IPO9: variants seen among roughly 807,000 people sequenced by gnomAD.
The protein encoded by IPO9 is importin-9.
Under a neutral mutation model 128.6 loss-of-function variants are expected in IPO9, and 28 were observed. The ratio of observed to expected loss-of-function variants is 0.22; its 90% confidence interval spans 0.16 to 0.30. IPO9 has a LOEUF of 0.30. IPO9 is among the 10% of genes least tolerant of loss of function. The pLI, the probability that IPO9 is intolerant of heterozygous loss-of-function variation, is 1.00. For missense variants in IPO9, 935 were observed against 1,293.9 expected, an observed-to-expected ratio of 0.72 and a Z score of 4.26; for synonymous variants, 455 against 475.8, an observed-to-expected ratio of 0.96 and a Z score of 0.57.
At chr1:201,839,343 A>G (rs373223174) in intron 1 of IPO9, among the ~76,000 whole-genome samples, 21 of 151,922 alleles carry the variant, frequency 1.4e-4, no homozygotes, top group African/African-American at 4.8e-4. Context: ...CAGCCTCCCA[A>G]GTAGCTGGGA....
At position 201,878,598 on chromosome 1, in the gene IPO9, C is replaced by T. The variant is rs1317793817; in HGVS notation, c.*2544C>T. 2 of 152,720 alleles carry T rather than the reference C, an allele frequency of 1.3e-5. No individual in the cohort carries two copies. Among genetic ancestry groups the T allele is most frequent in the East Asian group, 3.9e-4 (2 of 5,186 alleles). 9.5% of individuals were successfully genotyped at this position (152,720 alleles called of 1,614,324 possible). On this transcript the variant is annotated 3_prime_UTR_variant, in exon 24 of 24. Coordinates refer to ENST00000361565, the MANE Select transcript of IPO9 (RefSeq NM_018085.5). ...GGGCCCTAGTAACACTTAAGGGCTA[C>T]CCCTGGCTAACAGATACTCGGCTGT... is the stretch of plus-strand genomic sequence containing the variant.
chr1:201,849,374 C>A (rs1275201466), intron 4 of IPO9, among the ~76,000 whole-genome samples: 3 of 152,230 alleles, frequency 2.0e-5, no homozygotes, highest in African/African-American at 4.8e-5. Flanking sequence ...GCTTCTTATT[C>A]CCTAAATGAA....
rs575871544 is a variant in IPO9, at chr1:201,833,925, T to C, written c.163+4553T>C. 2.6e-5 allele frequency among the ~76,000 whole-genome samples: 4 copies of C among 152,282 alleles called. No homozygotes were observed. The East Asian group carries it at 7.7e-4, about 29-fold the overall frequency. On this transcript the variant is annotated intron_variant, in intron 1 of 23. Coordinates refer to ENST00000361565, the MANE Select transcript of IPO9 (RefSeq NM_018085.5). The stretch of plus-strand genomic sequence containing the variant: ...CCTCAGCCTCCCAAGTGGCTGTGAC[T>C]ACAAGCACATGCCCATACTTGGCTG...
At chr1:201,849,477 A>G (rs771820077) in intron 4 of IPO9, among the ~76,000 whole-genome samples, 3 of 152,150 alleles carry the variant, frequency 2.0e-5, no homozygotes, top group African/African-American at 4.8e-5. Flanking sequence ...CTTTGTTCAT[A>G]TAGGTTTGTA....
At position 201,829,294 on chromosome 1, in the gene IPO9, C is replaced by G; in HGVS notation, c.85C>G (p.Leu29Val). The G allele has an allele frequency of 6.3e-7, 1 of 1,599,560 alleles. No homozygotes were observed. Among genetic ancestry groups the G allele is most frequent in the Non-Finnish European group, 8.5e-7 (1 of 1,174,112 alleles). The change falls in exon 1 of 24, where the codon CTC becomes GTC. Residue 29 changes from leucine (L) to valine (V), a missense_variant. By Grantham distance (32) the Leu-to-Val change is conservative. Around this residue, in one of 3 missense-constraint regions of IPO9, gnomAD observed 741 missense variants for 1,019.1 expected, o/e 0.73. Coordinates refer to ENST00000361565, the MANE Select transcript of IPO9 (RefSeq NM_018085.5). ...QGLKEALVDT[L>V]TGILSPVQEV... ...ATTAAAGGAAGCGTTAGTGGATACG[C>G]TCACCGGGATCCTATCCCCAGTACA... is the stretch of plus-strand genomic sequence containing the variant.
chr1:201,856,898 G>A (rs1466548889), intron 10 of IPO9, among the ~76,000 whole-genome samples, 198 bp from the exon 11 acceptor site: 1 of 152,066 alleles, frequency 6.6e-6, no homozygotes. Context: ...TGTTGCCCAG[G>A]CTGGTCTCAA....
chr1:201,874,961 C>A, intron 22 of IPO9, 25 bp downstream of exon 22: 1 of 1,531,938 alleles, frequency 6.5e-7, no homozygotes, highest in Non-Finnish European at 9.1e-7. Context: ...AAGAGGACAG[C>A]CATGGTAAAT....
intron 4 of IPO9, among the ~76,000 whole-genome samples, chr1:201,848,905 G>T (rs1339855026): frequency 2.0e-5 from 3 of 152,140 alleles, no homozygotes; most frequent in African/African-American, 7.2e-5. Context: ...CTTTGAGCCT[G>T]AGTTTCCTTT....
chr1:201,866,112 A>G (rs1001984357), intron 14 of IPO9, among the ~76,000 whole-genome samples: 2 of 152,298 alleles, frequency 1.3e-5, no homozygotes, highest in East Asian at 3.9e-4. Flanking sequence ...TGAAGTCTCC[A>G]GGGGAAACTG....
At chr1:201,858,410 G>A in intron 11 of IPO9, 37 bp from the exon 12 acceptor site, 1 of 1,217,080 alleles carries the variant, frequency 8.2e-7, no homozygotes, top group African/African-American at 1.5e-5. Flanking sequence ...GCATTTAATG[G>A]GCACAAACAG....
chr1:201,883,406 C>G lies in IPO9; in HGVS notation c.*7352C>G, dbSNP rs1395530806. On this transcript the variant is annotated 3_prime_UTR_variant, in exon 24 of 24. Transcript: ENST00000361565. The stretch of plus-strand genomic sequence containing the variant: ...TAGGGGACAAAAAAGTCCACGGGGC[C>G]TATGAGCGGTGAGACTCCTGCCCTG... The G allele has an allele frequency of 6.6e-6, 1 of 152,202 alleles. No individual in the cohort carries two copies. Among genetic ancestry groups the G allele is most frequent in the African/African-American group, 2.4e-5 (1 of 41,420 alleles). The allele number at this position is 152,202 out of a possible 1,614,324, so 9.4% of individuals were successfully genotyped here. A position where few individuals can be genotyped will look rare whatever the true frequency, so the allele number is the denominator to read the frequency against.
chr1:201,867,877 G>A (rs1680584050), intron 15 of IPO9, among the ~76,000 whole-genome samples: 1 of 152,054 alleles, frequency 6.6e-6, no homozygotes. Context: ...TGTGTACTGA[G>A]GAGCTTTCCA....
In IPO9 at chr1:201,829,172, G is replaced by A. The variant is rs527972866; in HGVS notation, c.-38G>A. 2.1e-6 allele frequency: 3 copies of A among 1,450,998 alleles called. No individual in the cohort carries two copies. Among genetic ancestry groups the A allele is most frequent in the Non-Finnish European group, 2.7e-6 (3 of 1,102,260 alleles). The allele number at this position is 1,450,998 out of a possible 1,614,324, so 89.9% of individuals were successfully genotyped here. ...CGCGGGGGCCGTCATTCGGTGGCGGGTCCCGGCCGCGGGGCTGGCGGGCTG... is the reference window on the plus strand; with the variant it reads ...CGCGGGGGCCGTCATTCGGTGGCGGATCCCGGCCGCGGGGCTGGCGGGCTG... On this transcript the variant is annotated 5_prime_UTR_variant, in exon 1 of 24. Transcript: ENST00000361565.
chr1:201,854,984 G>A, intron 8 of IPO9, 61 bp downstream of exon 8: 1 of 1,426,474 alleles, frequency 7.0e-7, no homozygotes, highest in Admixed American at 2.1e-5. Flanking sequence ...TCTCGCACTG[G>A]GTTTCACATT....
intron 1 of IPO9, among the ~76,000 whole-genome samples, chr1:201,838,816 A>G (rs1469379326): frequency 6.6e-6 from 1 of 152,240 alleles, no homozygotes; most frequent in African/African-American, 2.4e-5. Context: ...TACACAAACC[A>G]TAAAAGGTTA....
intron 19 of IPO9, among the ~76,000 whole-genome samples, chr1:201,872,422 G>A (rs186380558): frequency 1.3e-5 from 2 of 152,070 alleles, no homozygotes. Context: ...GGGCAACATG[G>A]TGAAACCTGT....
At chr1:201,835,279 G>A (rs998427545) in intron 1 of IPO9, among the ~76,000 whole-genome samples, 5 of 152,216 alleles carry the variant, frequency 3.3e-5, no homozygotes, top group African/African-American at 1.2e-4. Flanking sequence ...TTTCTTAAGT[G>A]ATCCTTTATC....
At chr1:201,872,576 C>T (rs1262537214) in intron 19 of IPO9, among the ~76,000 whole-genome samples, 1 of 151,984 alleles carries the variant, frequency 6.6e-6, no homozygotes, top group Non-Finnish European at 1.5e-5. Flanking sequence ...CTGCACTCAG[C>T]CTGGGTGACA....
At chr1:201,847,182 T>C in intron 1 of IPO9, 97 bp from the exon 2 acceptor site, 2 of 862,460 alleles carry the variant, frequency 2.3e-6, no homozygotes, top group South Asian at 1.5e-5. Context: ...ACAGATTAAG[T>C]TTCTTTCTGG....
Sources: gnomAD v4.1 joint callset for allele counts (sites outside exome capture counted in the v4.1 genomes callset) on GRCh38, gnomAD v4.1.1 for gene constraint, gnomAD v4.1.1 regional missense constraint, MANE v1.5 for transcripts, NCBI Gene and HGNC (gene_info 2026-07-23, HGNC 2026-07-21) for gene names.